The following SEMA3A variants were observed in gnomAD, a reference collection of about 807,000 sequenced individuals.
SEMA3A encodes semaphorin 3A.
Under a neutral mutation model 97.9 loss-of-function variants are expected in SEMA3A, and 29 were observed. The ratio of observed to expected loss-of-function variants is 0.30; its 90% CI spans 0.22 to 0.40. The LOEUF (loss-of-function observed/expected upper bound fraction) is 0.40. Among genes scored for constraint, SEMA3A ranks in the 10% least tolerant of loss-of-function variants. SEMA3A has a pLI of 1.00. For synonymous variants in SEMA3A, 321 were observed against 323.7 expected, an observed-to-expected ratio of 0.99 and a Z score of 0.09; for missense variants, 763 against 951.3, an observed-to-expected ratio of 0.80 and a Z score of 2.60.
intron 14 of SEMA3A, among the ~76,000 whole-genome samples, chr7:83,977,651 T>A (rs1486458329): frequency 1.3e-5 from 2 of 152,062 alleles, no homozygotes; most frequent in Admixed American, 1.3e-4. Context: ...ATAATTCACA[T>A]GAATGTTCTC....
At chr7:83,968,660 C>T (rs1490165153) in intron 15 of SEMA3A, among the ~76,000 whole-genome samples, 2 of 152,040 alleles carry the variant, frequency 1.3e-5, no homozygotes, top group African/African-American at 4.8e-5. Flanking sequence ...ATGTGTGTGA[C>T]ATTGTTGTTA....
At chr7:84,192,301 C>A (rs530630461) in intron 1 of SEMA3A, among the ~76,000 whole-genome samples, 2 of 151,870 alleles carry the variant, frequency 1.3e-5, no homozygotes, top group Non-Finnish European at 2.9e-5. Flanking sequence ...AACAAACGTA[C>A]ATGTAGAGAC....
intron 4 of SEMA3A, among the ~76,000 whole-genome samples, chr7:84,092,873 A>T (rs533133659): frequency 6.6e-6 from 1 of 152,248 alleles, no homozygotes; most frequent in East Asian, 1.9e-4. Flanking sequence ...TGTAAATGTT[A>T]TTATGAAGAT....
chr7:84,137,838 A>C (rs1028212757), intron 1 of SEMA3A, among the ~76,000 whole-genome samples: 4 of 152,158 alleles, frequency 2.6e-5, no homozygotes, highest in Non-Finnish European at 5.9e-5. Context: ...CTAAGCATCA[A>C]TTGGAAGAAG....
intron 4 of SEMA3A, among the ~76,000 whole-genome samples, chr7:84,093,831 G>A (rs1470912525): frequency 1.3e-5 from 2 of 151,774 alleles, no homozygotes; most frequent in Non-Finnish European, 2.9e-5. Context: ...AAATAGCGAA[G>A]GCATGCTGGG....
intron 6 of SEMA3A, among the ~76,000 whole-genome samples, chr7:84,045,763 G>C (rs1792323235): frequency 6.6e-6 from 1 of 151,836 alleles, no homozygotes; most frequent in Non-Finnish European, 1.5e-5. Flanking sequence ...TCTTCTACTA[G>C]ATTAGATAAT....
intron 3 of SEMA3A, among the ~76,000 whole-genome samples, chr7:84,274,877 A>G (rs1176679652): frequency 6.6e-6 from 1 of 152,018 alleles, no homozygotes; most frequent in Non-Finnish European, 1.5e-5. Context: ...TAAAATATTA[A>G]AAATATTTTA....
At chr7:84,102,587 G>A (rs948907455) in intron 4 of SEMA3A, among the ~76,000 whole-genome samples, 5 of 66,888 alleles carry the variant, frequency 7.5e-5, no homozygotes, top group East Asian at 5.6e-4. Context: ...TTGCATTATC[G>A]CTTTTTTTTT....
chr7:84,280,246 A>G (rs1800408692), intron 3 of SEMA3A, among the ~76,000 whole-genome samples: 1 of 152,112 alleles, frequency 6.6e-6, no homozygotes, highest in Admixed American at 6.6e-5. Flanking sequence ...CTCCCGGTCA[A>G]TTTAGATGTT....
intron 1 of SEMA3A, among the ~76,000 whole-genome samples, chr7:84,480,049 C>T (rs1172292423): frequency 6.6e-6 from 1 of 152,072 alleles, no homozygotes; most frequent in East Asian, 1.9e-4. Flanking sequence ...ATCACTAACC[C>T]TTAAATGACA....
At chr7:84,179,607 A>G (rs1468433504) in intron 1 of SEMA3A, among the ~76,000 whole-genome samples, 2 of 152,014 alleles carry the variant, frequency 1.3e-5, no homozygotes, top group African/African-American at 2.4e-5. Flanking sequence ...TGTGTGGTGT[A>G]TTTTCTCCAG....
At chr7:84,253,583 C>T (rs1037772870) in intron 3 of SEMA3A, among the ~76,000 whole-genome samples, 1 of 152,004 alleles carries the variant, frequency 6.6e-6, no homozygotes, top group Admixed American at 6.6e-5. Flanking sequence ...ATATAATATA[C>T]ATGCTTTATA....
chr7:84,424,999 T>A (rs1170933107), intron 1 of SEMA3A, among the ~76,000 whole-genome samples: 1 of 103,740 alleles, frequency 9.6e-6, no homozygotes, highest in Non-Finnish European at 1.7e-5. Flanking sequence ...ATATTTTTAT[T>A]TATTTATATA....
intron 6 of SEMA3A, among the ~76,000 whole-genome samples, chr7:84,028,668 G>A (rs1481133558): frequency 6.6e-6 from 1 of 152,114 alleles, no homozygotes; most frequent in Non-Finnish European, 1.5e-5. Context: ...GCAGTGGCAC[G>A]ATCTCGGCTG....
At chr7:84,022,227 G>A (rs1385347332) in intron 6 of SEMA3A, among the ~76,000 whole-genome samples, 1 of 151,972 alleles carries the variant, frequency 6.6e-6, no homozygotes, top group African/African-American at 2.4e-5. Context: ...AACTCCCTAC[G>A]GAAAAGGTTT....
At chr7:83,993,409 C>G (rs1300552416) in intron 12 of SEMA3A, among the ~76,000 whole-genome samples, 14 of 151,906 alleles carry the variant, frequency 9.2e-5, no homozygotes, top group Non-Finnish European at 2.9e-5. Context: ...TCTTCCTAGT[C>G]TTGATGGTGT....
chr7:84,340,128 A>G (rs1584250416), intron 2 of SEMA3A, among the ~76,000 whole-genome samples: 2 of 152,186 alleles, frequency 1.3e-5, no homozygotes, highest in Non-Finnish European at 2.9e-5. Context: ...TCCTATAAAG[A>G]AAAAGAAATA....
intron 6 of SEMA3A, among the ~76,000 whole-genome samples, chr7:84,032,598 AT>A (rs1457742475): frequency 6.6e-6 from 1 of 152,162 alleles, no homozygotes; most frequent in African/African-American, 2.4e-5. Flanking sequence ...TTATAGCATA[AT>A]TTTCTAAGTA....
intron 3 of SEMA3A, among the ~76,000 whole-genome samples, chr7:84,286,137 C>A (rs1800583277): frequency 6.6e-6 from 1 of 152,122 alleles, no homozygotes; most frequent in Non-Finnish European, 1.5e-5. Flanking sequence ...TTCACCTTCT[C>A]TTTCTATCTC....
Sources: allele counts gnomAD v4.1 joint callset (sites outside exome capture counted in the v4.1 genomes callset), GRCh38; gene constraint gnomAD v4.1.1; transcripts MANE v1.5; gene names NCBI Gene and HGNC (gene_info 2026-07-23, HGNC 2026-07-21).